Variants in RAB3GAP1 observed in about 807,000 individuals in gnomAD.
The protein encoded by RAB3GAP1 is rab3 GTPase-activating protein catalytic subunit.
RAB3GAP1 carries 86 observed loss-of-function variants against 130.7 expected under a neutral mutation model. The observed-to-expected ratio is 0.66, with a 90% CI of 0.55 to 0.79. The LOEUF is 0.79. Ranked by LOEUF, RAB3GAP1 falls within the 30% of genes least tolerant of loss-of-function variation. The probability of loss-of-function intolerance (pLI) is 0.00; values close to 1 mark genes in which losing one functional copy is unlikely to be tolerated. For missense variants in RAB3GAP1, 1,029 were observed against 1,169.4 expected (o/e 0.88, Z 1.75); for synonymous variants, 367 against 401.7 (o/e 0.91, Z 1.03).
chr2:135,075,910 CTTTTTTT>C (rs996535280), intron 3 of RAB3GAP1, among the ~76,000 whole-genome samples: 5 of 126,742 alleles, frequency 3.9e-5, no homozygotes, highest in Admixed American at 1.6e-4. Flanking sequence ...TAACAGATTT[CTTTTTTT>C]TTTTTTTTTT....
intron 5 of RAB3GAP1, among the ~76,000 whole-genome samples, chr2:135,107,410 A>G (rs1252186076): frequency 6.6e-6 from 1 of 151,568 alleles, no homozygotes; most frequent in East Asian, 1.9e-4. Flanking sequence ...ATATATGACA[A>G]TATTGCACAA....
chr2:135,090,927 C>T, intron 3 of RAB3GAP1, 71 bp from the exon 4 acceptor site: 2 of 1,405,162 alleles, frequency 1.4e-6, no homozygotes, highest in South Asian at 1.2e-5. Flanking sequence ...GGAAAATATC[C>T]CTGTCGTTAG....
intron 3 of RAB3GAP1, among the ~76,000 whole-genome samples, chr2:135,062,686 G>C (rs1274555462): frequency 6.6e-6 from 1 of 152,126 alleles, no homozygotes; most frequent in African/African-American, 2.4e-5. Flanking sequence ...CATTTATTTA[G>C]GTCATCTTTA....
At chr2:135,106,607 A>C (rs1690628529) in intron 5 of RAB3GAP1, among the ~76,000 whole-genome samples, 1 of 152,134 alleles carries the variant, frequency 6.6e-6, no homozygotes. Flanking sequence ...CCAGGGACAC[A>C]AACACTGCGG....
intron 2 of RAB3GAP1, among the ~76,000 whole-genome samples, chr2:135,053,669 A>T (rs967380780): frequency 6.6e-6 from 1 of 152,240 alleles, no homozygotes; most frequent in African/African-American, 2.4e-5. Flanking sequence ...TCAGTAAGAC[A>T]TAACCACACT....
chr2:135,106,174 G>C (rs1690609737), intron 5 of RAB3GAP1, among the ~76,000 whole-genome samples: 1 of 152,050 alleles, frequency 6.6e-6, no homozygotes, highest in Non-Finnish European at 1.5e-5. Flanking sequence ...CCCCGTCCGG[G>C]AGGTGGGGGG....
chr2:135,084,961 G>A (rs1012785315), intron 3 of RAB3GAP1, among the ~76,000 whole-genome samples: 1 of 152,196 alleles, frequency 6.6e-6, no homozygotes, highest in Admixed American at 6.5e-5. Flanking sequence ...TTTGAAGAAT[G>A]AGTTAAAAGT....
chr2:135,107,975 C>CAA (rs59782185), intron 5 of RAB3GAP1, among the ~76,000 whole-genome samples: 11 of 51,940 alleles, frequency 2.1e-4, no homozygotes, highest in Non-Finnish European at 3.6e-4. Context: ...AACTCCATCT[C>CAA]AAAAAAAAAA....
chr2:135,159,665 T>C (rs1204112077), intron 19 of RAB3GAP1, among the ~76,000 whole-genome samples: 1 of 152,102 alleles, frequency 6.6e-6, no homozygotes, highest in Non-Finnish European at 1.5e-5. Context: ...AGATAAAAAC[T>C]AAGGAAACCG....
chr2:135,133,462 TTGA>T (rs1691601175), intron 14 of RAB3GAP1, among the ~76,000 whole-genome samples: 1 of 152,120 alleles, frequency 6.6e-6, no homozygotes, highest in African/African-American at 2.4e-5. Flanking sequence ...AGAAGTAGAT[TTGA>T]TGAGGTGAGA....
intron 9 of RAB3GAP1, 46 bp downstream of exon 9, chr2:135,124,292 T>C (rs200651268): frequency 9.9e-6 from 15 of 1,513,398 alleles, no homozygotes; most frequent in Non-Finnish European, 1.2e-5. Context: ...TATTTTACTT[T>C]GAATTTATAT....
At chr2:135,117,480 TCTGCTTCTTCTTCTG>T (rs1691015989) in intron 7 of RAB3GAP1, among the ~76,000 whole-genome samples, 4 of 137,022 alleles carry the variant, frequency 2.9e-5, no homozygotes, top group African/African-American at 5.4e-5. Context: ...TTCTGCTTCT[TCTGCTTCTTCTTCTG>T]CTTCTTCTTC....
intron 8 of RAB3GAP1, among the ~76,000 whole-genome samples, chr2:135,121,169 C>A (rs964328487): frequency 6.6e-6 from 1 of 151,914 alleles, no homozygotes; most frequent in African/African-American, 2.4e-5. Flanking sequence ...TATAAGGCAC[C>A]CCTTGCTGTG....
chr2:135,079,131 A>C (rs1305232269), intron 3 of RAB3GAP1, among the ~76,000 whole-genome samples: 1 of 152,100 alleles, frequency 6.6e-6, no homozygotes, highest in African/African-American at 2.4e-5. Context: ...AGCCTCCCAC[A>C]GTGCTGGGAT....
At chr2:135,120,161 A>G (rs1446082471) in intron 7 of RAB3GAP1, among the ~76,000 whole-genome samples, 1 of 152,118 alleles carries the variant, frequency 6.6e-6, no homozygotes, top group Non-Finnish European at 1.5e-5. Context: ...AAAATGAATC[A>G]CCTTTTTTTC....
At position 135,168,691 on chromosome 2, in the gene RAB3GAP1, C is replaced by G; in HGVS notation, c.2856C>G (p.Ser952=). 6.2e-7 allele frequency: 1 copy of G among 1,614,218 alleles called. No individual in the cohort carries two copies. Among genetic ancestry groups the G allele is most frequent in the Non-Finnish European group, 8.5e-7 (1 of 1,180,034 alleles). The change falls in exon 24 of 24, where the codon TCC becomes TCG. Residue 952 remains serine, a synonymous_variant. Coordinates refer to ENST00000264158, the MANE Select transcript of RAB3GAP1 (RefSeq NM_012233.3). ...RTTVPRPAPY[S]KALPQRMYSV... Reference sequence around the variant, plus strand: ...CTGTGCCGCGCCCTGCTCCCTACTCCAAAGCTCTGCCTCAGCGGATGTACA... The same window carrying G: ...CTGTGCCGCGCCCTGCTCCCTACTCGAAAGCTCTGCCTCAGCGGATGTACA...
chr2:135,117,126 A>G (rs1416472150), intron 7 of RAB3GAP1, among the ~76,000 whole-genome samples: 1 of 152,148 alleles, frequency 6.6e-6, no homozygotes, highest in African/African-American at 2.4e-5. Context: ...TCAAAATGAC[A>G]ACTGTTAGCA....
intron 17 of RAB3GAP1, among the ~76,000 whole-genome samples, chr2:135,143,720 G>T (rs2077851793): frequency 6.6e-6 from 1 of 151,910 alleles, no homozygotes; most frequent in African/African-American, 2.4e-5. Context: ...ACCACGCCTG[G>T]CTAATTTTTT....
At chr2:135,152,990 G>A (rs1045056980) in intron 18 of RAB3GAP1, 1 of 152,774 alleles carries the variant, frequency 6.5e-6, no homozygotes, top group African/African-American at 2.4e-5. Flanking sequence ...TTTGGTTCCA[G>A]AAGCCTGAAA....
Sources: allele counts gnomAD v4.1 joint callset (sites outside exome capture counted in the v4.1 genomes callset), GRCh38; gene constraint gnomAD v4.1.1; transcripts MANE v1.5; gene names NCBI Gene and HGNC (gene_info 2026-07-23, HGNC 2026-07-21).